The following LSAMP variants were observed in gnomAD, a reference collection of about 807,000 sequenced individuals.
LSAMP encodes limbic system associated membrane protein.
LSAMP carries 7 observed loss-of-function variants against 38.6 expected under a neutral mutation model. That is an observed-to-expected ratio of 0.18 (90% confidence interval 0.10 to 0.34). LSAMP has a LOEUF of 0.34. Ranked by LOEUF, LSAMP falls within the 10% of genes least tolerant of loss-of-function variation. The pLI is 1.00. For synonymous variants in LSAMP, 154 were observed against 166.8 expected (o/e 0.92, Z 0.59); for missense variants, 313 against 420.0 (o/e 0.75, Z 2.23).
chr3:116,270,637 C>A (rs1319999648), intron 1 of LSAMP, among the ~76,000 whole-genome samples: 1 of 152,084 alleles, frequency 6.6e-6, no homozygotes, highest in East Asian at 1.9e-4. Flanking sequence ...TTGCTGGAGC[C>A]TGGACAACTG....
At position 115,918,712 on chromosome 3, in the gene LSAMP, T is replaced by G. The variant is rs898502224; in HGVS notation, c.515-66095A>C. Among the ~76,000 whole-genome samples, 26 of 151,412 alleles carry G rather than the reference T, an allele frequency of 1.7e-4. 1 individual carries two copies. The highest frequency in any genetic ancestry group is 1.0e-4 in the Non-Finnish European group (7 of 67,836). On this transcript the variant is annotated intron_variant, in intron 3 of 6. Transcript: ENST00000490035. ...GACAAAATCTTAAAGAACAGGTTTT[T>G]TTTTTTTTTTTTGTCCCTGCTTCAT...
chr3:115,885,721 T>C (rs1936436235), intron 3 of LSAMP, among the ~76,000 whole-genome samples: 2 of 151,530 alleles, frequency 1.3e-5, no homozygotes, highest in Non-Finnish European at 2.9e-5. Context: ...TTCTTATCAA[T>C]CGGAATACTG....
At chr3:116,413,548 CTAGA>C (rs997534631) in intron 1 of LSAMP, among the ~76,000 whole-genome samples, 10 of 151,892 alleles carry the variant, frequency 6.6e-5, no homozygotes, top group Non-Finnish European at 1.5e-4. Context: ...TGTTCATAGC[CTAGA>C]TACTCACTTA....
intron 1 of LSAMP, among the ~76,000 whole-genome samples, chr3:116,221,150 C>CAAAAAAAAAAAAAAAA (rs71141862): frequency 1.9e-5 from 1 of 53,184 alleles, no homozygotes; most frequent in African/African-American, 7.5e-5. Flanking sequence ...GACTCTGTCT[C>CAAAAAAAAAAAAAAAA]AAAAAAAAAA....
At chr3:116,319,226 C>G (rs932963047) in intron 1 of LSAMP, among the ~76,000 whole-genome samples, 9 of 152,076 alleles carry the variant, frequency 5.9e-5, no homozygotes, top group African/African-American at 1.9e-4. Context: ...TTCCTTTCCT[C>G]TATAAAAAAG....
chr3:116,291,227 G>A (rs776638932), intron 1 of LSAMP, among the ~76,000 whole-genome samples: 2 of 152,074 alleles, frequency 1.3e-5, no homozygotes, highest in Non-Finnish European at 2.9e-5. Flanking sequence ...AGGTGAATTG[G>A]AAACAAAATT....
At chr3:115,912,506 C>A (rs143422251) in intron 3 of LSAMP, among the ~76,000 whole-genome samples, 2 of 152,150 alleles carry the variant, frequency 1.3e-5, no homozygotes, top group Admixed American at 1.3e-4. Context: ...TGGCTCCTTA[C>A]TGGTCAGGGG....
chr3:116,080,160 C>T (rs1311300133), intron 2 of LSAMP, among the ~76,000 whole-genome samples: 1 of 152,200 alleles, frequency 6.6e-6, no homozygotes, highest in Non-Finnish European at 1.5e-5. Context: ...TCTACCTCCA[C>T]ATCTTCCTAA....
At chr3:116,408,559 T>C (rs1031871915) in intron 1 of LSAMP, among the ~76,000 whole-genome samples, 3 of 152,050 alleles carry the variant, frequency 2.0e-5, no homozygotes, top group Non-Finnish European at 2.9e-5. Context: ...ACTCAACACA[T>C]TGAAAAACAT....
intron 3 of LSAMP, among the ~76,000 whole-genome samples, chr3:115,949,582 A>G (rs1345488595): frequency 6.6e-6 from 1 of 152,034 alleles, no homozygotes; most frequent in African/African-American, 2.4e-5. Flanking sequence ...CTGAAACACT[A>G]ATAAAAAAAA....
At chr3:116,391,687 A>G (rs2048700673) in intron 1 of LSAMP, among the ~76,000 whole-genome samples, 1 of 152,012 alleles carries the variant, frequency 6.6e-6, no homozygotes. Context: ...TCACTTTGAT[A>G]GTACTGATGG....
At chr3:115,991,182 C>T (rs1385165065) in intron 3 of LSAMP, among the ~76,000 whole-genome samples, 1 of 152,058 alleles carries the variant, frequency 6.6e-6, no homozygotes, top group East Asian at 1.9e-4. Context: ...GCTTTTTCAT[C>T]TGCATAGCAT....
chr3:116,183,763 TA>T (rs1710545008), intron 1 of LSAMP, among the ~76,000 whole-genome samples: 1 of 151,784 alleles, frequency 6.6e-6, no homozygotes, highest in African/African-American at 2.4e-5. Context: ...AGGCAAAGAT[TA>T]CATTTAAAAG....
intron 1 of LSAMP, among the ~76,000 whole-genome samples, chr3:116,323,699 T>A (rs1490879812): frequency 1.3e-5 from 2 of 152,108 alleles, no homozygotes; most frequent in Non-Finnish European, 2.9e-5. Context: ...AATTCTACCA[T>A]CTTCTGCTGG....
Position 115,852,517 on chromosome 3 carries a change from C to A in LSAMP, c.615G>T (p.Ser205=). 1 of 1,613,218 alleles carries A rather than the reference C, an allele frequency of 6.2e-7. No individual in the cohort carries two copies. ...TGACCTTGACTTGTTTGACATCCGCCGAGGAGACCTCGTTGGCAGCTTTGC... is the reference window on the plus strand; with the variant it reads ...TGACCTTGACTTGTTTGACATCCGCAGAGGAGACCTCGTTGGCAGCTTTGC... ...YECKAANEVS[S]ADVKQVKVTV... Residue 205 remains serine (S), a synonymous_variant, in exon 4 of 7, where the codon TCG becomes TCT. Transcript: ENST00000490035.
intron 3 of LSAMP, among the ~76,000 whole-genome samples, chr3:115,884,257 G>A (rs1936395125): frequency 6.6e-6 from 1 of 152,006 alleles, no homozygotes; most frequent in South Asian, 2.1e-4. Context: ...GCTGAATTAA[G>A]CAGTTTTTGA....
intron 1 of LSAMP, among the ~76,000 whole-genome samples, chr3:116,356,573 A>T (rs2048226011): frequency 6.6e-6 from 1 of 152,230 alleles, no homozygotes; most frequent in Non-Finnish European, 1.5e-5. Context: ...TTTTAGAATA[A>T]CTGAGAGAGT....
At chr3:116,249,672 C>T (rs2046653860) in intron 1 of LSAMP, among the ~76,000 whole-genome samples, 1 of 151,970 alleles carries the variant, frequency 6.6e-6, no homozygotes, top group Non-Finnish European at 1.5e-5. Context: ...GTGTGAGCCA[C>T]CACACCCAGC....
At chr3:116,121,286 A>G (rs1708869837) in intron 1 of LSAMP, among the ~76,000 whole-genome samples, 1 of 152,186 alleles carries the variant, frequency 6.6e-6, no homozygotes, top group Non-Finnish European at 1.5e-5. Flanking sequence ...AGGCCCAGAA[A>G]CAAGTTTGCA....
Sources: allele counts gnomAD v4.1 joint callset (sites outside exome capture counted in the v4.1 genomes callset), GRCh38; gene constraint gnomAD v4.1.1; transcripts MANE v1.5; gene names NCBI Gene and HGNC (gene_info 2026-07-23, HGNC 2026-07-21).